The following DLC1 variants were observed in gnomAD, a reference collection of about 807,000 sequenced individuals.
DLC1 encodes DLC1 Rho GTPase activating protein, also known as rho GTPase-activating protein 7.
Under a neutral mutation model 140.3 loss-of-function variants are expected in DLC1, and 54 were observed. That is an observed-to-expected ratio of 0.38 (90% CI 0.31 to 0.48). The LOEUF (loss-of-function observed/expected upper bound fraction) is 0.48. DLC1 is among the 20% of genes least tolerant of loss of function. The pLI, the probability that DLC1 is intolerant of heterozygous loss-of-function variation, is 0.96. For synonymous variants in DLC1, 986 were observed against 728.1 expected (o/e 1.35, Z -5.70); for missense variants, 2,536 against 1,907.0 (o/e 1.33, Z -6.14).
intron 4 of DLC1, among the ~76,000 whole-genome samples, chr8:13,333,389 C>T (rs1833683111): frequency 7.1e-6 from 1 of 140,202 alleles, no homozygotes; most frequent in Non-Finnish European, 1.5e-5. Context: ...CCGTGCCTGG[C>T]TGATTTTTGT....
At chr8:13,512,178 T>G (rs1345863284) in intron 1 of DLC1, among the ~76,000 whole-genome samples, 2 of 152,034 alleles carry the variant, frequency 1.3e-5, no homozygotes, top group Non-Finnish European at 2.9e-5. Context: ...AAGGAAGTGT[T>G]GAATAGTGTC....
rs1001983774 is a variant in DLC1 at position 13,505,154 on chromosome 8, C to A, written c.-125-4958G>T. ...AGGAAAATATAATTATAGTATACTCCATAAGCTGTGGCTAATTTTTTTCAT... is the reference window on the plus strand; with the variant it reads ...AGGAAAATATAATTATAGTATACTCAATAAGCTGTGGCTAATTTTTTTCAT... On this transcript the variant is annotated intron_variant, in intron 1 of 17. Transcript: ENST00000276297. Among the ~76,000 whole-genome samples the A allele has an allele frequency of 1.3e-5, 2 of 152,002 alleles. 1 individual carries two copies. The highest frequency in any genetic ancestry group is 1.3e-4 in the Admixed American group (2 of 15,252).
chr8:13,116,181 A>G, intron 5 of DLC1: 2 of 985,722 alleles, frequency 2.0e-6, no homozygotes, highest in Non-Finnish European at 2.4e-6. Context: ...TCAGGTACTC[A>G]TCAGGTATTA....
At chr8:13,129,755 A>G (rs893257559) in intron 5 of DLC1, among the ~76,000 whole-genome samples, 1 of 152,322 alleles carries the variant, frequency 6.6e-6, no homozygotes, top group Admixed American at 6.5e-5. Context: ...AGGTTTTGCT[A>G]TGATGTTGTA....
intron 5 of DLC1, among the ~76,000 whole-genome samples, chr8:13,164,605 A>C (rs1392829602): frequency 6.6e-6 from 1 of 152,112 alleles, no homozygotes; most frequent in Non-Finnish European, 1.5e-5. Context: ...CCATGTTGGC[A>C]TGGGATGTGG....
chr8:13,495,150 CAT>C (rs1801442952), intron 2 of DLC1, among the ~76,000 whole-genome samples: 1 of 152,136 alleles, frequency 6.6e-6, no homozygotes, highest in African/African-American at 2.4e-5. Flanking sequence ...AGCAAATAAA[CAT>C]ATGTTCAGAC....
chr8:13,215,319 C>T (rs1828142006), intron 5 of DLC1, among the ~76,000 whole-genome samples: 1 of 152,226 alleles, frequency 6.6e-6, no homozygotes, highest in Non-Finnish European at 1.5e-5. Flanking sequence ...GGCACAGTGG[C>T]TCACGCCTGT....
At chr8:13,214,579 C>A in intron 5 of DLC1, 2 of 458,260 alleles carry the variant, frequency 4.4e-6, no homozygotes, top group Non-Finnish European at 3.9e-6. Flanking sequence ...TTTTTTGTGG[C>A]TGCCCGAGGA....
chr8:13,097,670 C>T (rs1036069243), intron 10 of DLC1, among the ~76,000 whole-genome samples: 16 of 152,118 alleles, frequency 1.1e-4, no homozygotes, highest in Non-Finnish European at 1.9e-4. Flanking sequence ...CCTTTTCCTC[C>T]ATCCAAAAAT....
intron 1 of DLC1, among the ~76,000 whole-genome samples, chr8:13,584,826 A>G (rs937844775): frequency 1.3e-5 from 2 of 152,036 alleles, no homozygotes; most frequent in Admixed American, 1.3e-4. Flanking sequence ...TTCCTACCCA[A>G]TCCTCCCTTT....
chr8:13,417,884 C>G (rs1242129661), intron 2 of DLC1, among the ~76,000 whole-genome samples: 1 of 152,172 alleles, frequency 6.6e-6, no homozygotes, highest in African/African-American at 2.4e-5. Flanking sequence ...TGTTTCCTGA[C>G]TTTTTAATGA....
chr8:13,525,355 A>T (rs1219338465), intron 1 of DLC1, among the ~76,000 whole-genome samples: 2 of 152,196 alleles, frequency 1.3e-5, no homozygotes, highest in African/African-American at 4.8e-5. Context: ...TTGTGTAAAT[A>T]CCTAGTAGTA....
chr8:13,088,097 C>T (rs2584559), intron 16 of DLC1, among the ~76,000 whole-genome samples: 134,836 of 152,256 alleles, frequency 0.89, 59,764 homozygotes, highest in South Asian at 0.95. Context: ...TTTGTTTATT[C>T]AGAAATAAGG....
chr8:13,104,084 T>C (rs1370338597), intron 7 of DLC1, among the ~76,000 whole-genome samples: 1 of 152,112 alleles, frequency 6.6e-6, no homozygotes, highest in Non-Finnish European at 1.5e-5. Flanking sequence ...ATTGAAGCCC[T>C]CTTTAATATC....
chr8:13,105,455 T>C (rs1819483407), intron 7 of DLC1, among the ~76,000 whole-genome samples: 1 of 152,038 alleles, frequency 6.6e-6, no homozygotes, highest in South Asian at 2.1e-4. Flanking sequence ...GACCCTATGG[T>C]ACAGATATTA....
intron 3 of DLC1, among the ~76,000 whole-genome samples, chr8:13,400,218 T>A (rs1422734590): frequency 6.6e-6 from 1 of 151,978 alleles, no homozygotes; most frequent in Non-Finnish European, 1.5e-5. Flanking sequence ...CTGGTGTGAG[T>A]GAGTCTAGTA....
At chr8:13,367,068 A>T (rs997179808) in intron 4 of DLC1, among the ~76,000 whole-genome samples, 1 of 151,932 alleles carries the variant, frequency 6.6e-6, no homozygotes, top group African/African-American at 2.4e-5. Flanking sequence ...TCTGTATTTT[A>T]TAATGCTAAA....
At chr8:13,202,865 G>A (rs1284973839) in intron 5 of DLC1, among the ~76,000 whole-genome samples, 1 of 151,798 alleles carries the variant, frequency 6.6e-6, no homozygotes, top group African/African-American at 2.4e-5. Context: ...GTAGAGACAG[G>A]GTCTCACTAT....
intron 4 of DLC1, among the ~76,000 whole-genome samples, chr8:13,348,955 C>A (rs1272092190): frequency 6.6e-6 from 1 of 152,086 alleles, no homozygotes; most frequent in Non-Finnish European, 1.5e-5. Flanking sequence ...AAATTGGAGG[C>A]AGCAGCCGCT....
Sources: gnomAD v4.1 joint callset for allele counts (sites outside exome capture counted in the v4.1 genomes callset) on GRCh38, gnomAD v4.1.1 for gene constraint, MANE v1.5 for transcripts, NCBI Gene and HGNC (gene_info 2026-07-23, HGNC 2026-07-21) for gene names.